The following PTPN13 variants were observed in gnomAD, a reference collection of about 807,000 sequenced individuals.
The protein encoded by PTPN13 is protein tyrosine phosphatase non-receptor type 13, also known as tyrosine-protein phosphatase non-receptor type 13.
PTPN13 carries 191 observed loss-of-function variants against 284.0 expected under a neutral mutation model. The observed-to-expected ratio is 0.67, with a 90% CI of 0.60 to 0.76. PTPN13 has a LOEUF of 0.76. Among genes scored for constraint, PTPN13 ranks in the 30% least tolerant of loss-of-function variants. The pLI is 0.00. For missense variants in PTPN13, 2,797 were observed against 2,939.9 expected, an observed-to-expected ratio of 0.95 and a Z score of 1.12; for synonymous variants, 986 against 1,022.3, an observed-to-expected ratio of 0.96 and a Z score of 0.68.
At chr4:86,670,012 G>A (rs759695477) in intron 2 of PTPN13, among the ~76,000 whole-genome samples, 4 of 151,524 alleles carry the variant, frequency 2.6e-5, no homozygotes, top group African/African-American at 7.3e-5. Context: ...AGTAGTGAGC[G>A]AAAGAAGTGT....
chr4:86,725,983 A>G (rs1283468297), intron 10 of PTPN13, among the ~76,000 whole-genome samples: 1 of 149,538 alleles, frequency 6.7e-6, no homozygotes, highest in Non-Finnish European at 1.5e-5. Context: ...TCCATTGTGA[A>G]TTAATTTTTG....
intron 16 of PTPN13, 46 bp from the exon 17 acceptor site, chr4:86,744,920 T>C (rs750369398): frequency 1.9e-5 from 26 of 1,371,222 alleles, no homozygotes; most frequent in South Asian, 1.2e-4. Context: ...ATATAAATAA[T>C]ATCTCTACTT....
chr4:86,601,546 AAAG>A (rs1186169941), intron 1 of PTPN13, among the ~76,000 whole-genome samples: 3 of 152,104 alleles, frequency 2.0e-5, no homozygotes, highest in Admixed American at 2.0e-4. Context: ...TTTTTGAACA[AAAG>A]AAAATATTTT....
chr4:86,765,583 A>G, intron 26 of PTPN13, 95 bp downstream of exon 26: 2 of 823,304 alleles, frequency 2.4e-6, no homozygotes, highest in South Asian at 2.0e-5. Context: ...CAAATTCATG[A>G]TATGAAATAA....
At chr4:86,786,025 C>A (rs1294041160) in intron 40 of PTPN13, 89 bp downstream of exon 40, 2 of 645,072 alleles carry the variant, frequency 3.1e-6, no homozygotes, top group Non-Finnish European at 4.7e-6. Context: ...GAGATTCTTT[C>A]CTGTTTTACT....
chr4:86,767,822 T>A lies in PTPN13; in HGVS notation c.4335T>A (p.Val1445=), dbSNP rs1179187168. Reference sequence around the variant, plus strand: ...ATGCTATTTTACTTATCCAGGTGGTTCATCTGTTATTAGAAAAGGGACAAT... The same window carrying A: ...ATGCTATTTTACTTATCCAGGTGGTACATCTGTTATTAGAAAAGGGACAAT... The part of the protein sequence containing the change: ...VETLRNTGQV[V]HLLLEKGQSP... Residue 1445 remains valine, a synonymous_variant, in exon 28 of 48, where the codon GTT becomes GTA. Transcript: ENST00000411767. 3.2e-6 allele frequency: 5 copies of A among 1,570,016 alleles called. No homozygotes were observed. The highest frequency in any genetic ancestry group is 4.3e-6 in the Non-Finnish European group (5 of 1,156,456).
chr4:86,768,932 ACTC>A (rs1470318222), intron 28 of PTPN13, among the ~76,000 whole-genome samples: 1 of 151,094 alleles, frequency 6.6e-6, no homozygotes, highest in Non-Finnish European at 1.5e-5. Context: ...CTGGTCTTGA[ACTC>A]CTGACCTCAG....
At chr4:86,790,537 C>CCA (rs140695478) in intron 40 of PTPN13, among the ~76,000 whole-genome samples, 207 of 150,664 alleles carry the variant, frequency 1.4e-3, no homozygotes, top group African/African-American at 3.5e-3. Context: ...TTTTTAAGTG[C>CCA]CACACACACA....
At chr4:86,734,663 A>T in intron 13 of PTPN13, 74 bp from the exon 14 acceptor site, 2 of 1,498,376 alleles carry the variant, frequency 1.3e-6, no homozygotes, top group Non-Finnish European at 1.8e-6. Flanking sequence ...AATTAACCTT[A>T]CATGCCTATA....
Position 86,705,333 on chromosome 4 carries a change from C to CAAAAAAAAAAAAA in PTPN13, c.1195+3535_1195+3547dup, listed in dbSNP as rs759784072. Among the ~76,000 whole-genome samples, 250 of 95,272 alleles carry CAAAAAAAAAAAAA rather than the reference C, an allele frequency of 2.6e-3. 4 individuals carry two copies. The highest frequency in any genetic ancestry group is 9.8e-3 in the African/African-American group (246 of 24,996). 62.5% of individuals were successfully genotyped at this position (95,272 alleles called of 152,430 possible). ...TGGGTGACAGAGCAAGACTCCGTCT[C>CAAAAAAAAAAAAA]AAAAAAAAAAAAAAAGACATGCGCA... On this transcript the variant is annotated intron_variant, in intron 7 of 47. Coordinates refer to ENST00000411767, the MANE Select transcript of PTPN13 (RefSeq NM_080683.3).
intron 1 of PTPN13, among the ~76,000 whole-genome samples, chr4:86,601,021 C>T (rs955118441): frequency 1.3e-5 from 2 of 152,016 alleles, no homozygotes; most frequent in African/African-American, 4.8e-5. Flanking sequence ...ATTCTTTACA[C>T]AATCTGTTCT....
In PTPN13 at chr4:86,734,751, G is replaced by A. The variant is rs1735306807; in HGVS notation, c.2027G>A (p.Cys676Tyr). 3.7e-6 allele frequency: 6 copies of A among 1,611,324 alleles called. No homozygotes were observed. Among genetic ancestry groups the A allele is most frequent in the Non-Finnish European group, 5.1e-6 (6 of 1,178,218 alleles). The change falls in exon 14 of 48, where the codon TGT (cysteine) becomes TAT (tyrosine). Residue 676 changes from cysteine (C) to tyrosine (Y), a missense_variant. Physicochemically the swap from Cys to Tyr is radical, Grantham distance 194. Transcript: ENST00000411767. The stretch of plus-strand genomic sequence containing the variant: ...TGTTTTTTCAGACATACTCTGACGT[G>A]TCATCAGTATTACCTTCAGCTTCGA... ...DVSLIQHTLTCHQYYLQLRKD... is the reference protein window; with the variant it reads ...DVSLIQHTLTYHQYYLQLRKD...
At chr4:86,800,472 CA>C (rs1431253964) in intron 42 of PTPN13, among the ~76,000 whole-genome samples, 2 of 151,878 alleles carry the variant, frequency 1.3e-5, no homozygotes, top group Non-Finnish European at 2.9e-5. Context: ...GACCAACAGG[CA>C]AAACCTCGTC....
chr4:86,657,195 C>T (rs1186869649), intron 2 of PTPN13, among the ~76,000 whole-genome samples: 1 of 152,210 alleles, frequency 6.6e-6, no homozygotes, highest in African/African-American at 2.4e-5. Context: ...ATGCCTCGTC[C>T]TGCTTCGGCT....
chr4:86,765,206 A>C (rs1219068818), intron 25 of PTPN13, among the ~76,000 whole-genome samples, 189 bp from the exon 26 acceptor site: 1 of 152,222 alleles, frequency 6.6e-6, no homozygotes, highest in Admixed American at 6.5e-5. Context: ...GCTATTTGAT[A>C]AAATTATTTT....
chr4:86,782,383 T>A (rs1001496423), intron 37 of PTPN13, 121 bp downstream of exon 37: 1 of 924,886 alleles, frequency 1.1e-6, no homozygotes. Context: ...TTCATATTAA[T>A]AGTAAGGCTA....
rs768099003 is a variant in PTPN13, at chr4:86,729,240, T to A, written c.1609-3160T>A. 2.0e-5 allele frequency among the ~76,000 whole-genome samples: 3 copies of A among 149,670 alleles called. No homozygotes were observed. In the East Asian group the frequency reaches 5.8e-4, roughly 29 times the overall value. On this transcript the variant is annotated intron_variant, in intron 10 of 47. Coordinates refer to ENST00000411767, the MANE Select transcript of PTPN13 (RefSeq NM_080683.3). ...AGTCTGATGGGCTTCCCTTTGTGGG[T>A]AACCCGACCTTTCTCTCTGGCTGCC...
intron 1 of PTPN13, among the ~76,000 whole-genome samples, chr4:86,607,614 T>G (rs2149181064): frequency 6.6e-6 from 1 of 152,108 alleles, no homozygotes; most frequent in African/African-American, 2.4e-5. Context: ...TCCAGTCAGC[T>G]ATCATAACTG....
rs199838831 is a variant in PTPN13, at chr4:86,635,255, A to C, written c.-2A>C. 1.6e-4 allele frequency: 256 copies of C among 1,594,516 alleles called. No homozygotes were observed. The African/African-American group carries it at 3.1e-3, about 20-fold the overall frequency. ...ATCTGTTACCTTTGTTTCCCAGGTA[A>C]TATGCACGTGTCACTAGCTGAGGCC... On this transcript the variant is annotated 5_prime_UTR_variant, in exon 2 of 48. Coordinates refer to ENST00000411767, the MANE Select transcript of PTPN13 (RefSeq NM_080683.3).
Sources: allele counts gnomAD v4.1 joint callset (sites outside exome capture counted in the v4.1 genomes callset), GRCh38; gene constraint gnomAD v4.1.1; transcripts MANE v1.5; gene names NCBI Gene and HGNC (gene_info 2026-07-23, HGNC 2026-07-21).